LSAMP: variants seen among roughly 807,000 people sequenced by gnomAD.
The protein encoded by LSAMP is limbic system-associated membrane protein.
LSAMP carries 7 observed loss-of-function variants against 38.6 expected under a neutral mutation model. That is an observed-to-expected ratio of 0.18 (90% CI 0.10 to 0.34). The LOEUF (loss-of-function observed/expected upper bound fraction) is 0.34, where lower values mean the gene tolerates loss of function less well. Among genes scored for constraint, LSAMP ranks in the 10% least tolerant of loss-of-function variants. The pLI is 1.00. For synonymous variants in LSAMP, 154 were observed against 166.8 expected (o/e 0.92, Z 0.59); for missense variants, 313 against 420.0 (o/e 0.75, Z 2.23).
At chr3:115,993,891 T>C (rs781280595) in intron 3 of LSAMP, among the ~76,000 whole-genome samples, 2 of 152,236 alleles carry the variant, frequency 1.3e-5, no homozygotes, top group South Asian at 2.1e-4. Flanking sequence ...CTGTAGAGAA[T>C]GGTGCTGTTG....
intron 6 of LSAMP, among the ~76,000 whole-genome samples, chr3:115,841,258 C>T (rs1406903672): frequency 6.6e-6 from 1 of 151,924 alleles, no homozygotes; most frequent in Non-Finnish European, 1.5e-5. Flanking sequence ...AAAAATATAT[C>T]AGAAAAGTAA....
intron 1 of LSAMP, among the ~76,000 whole-genome samples, chr3:116,438,701 A>G (rs2049388935): frequency 6.6e-6 from 1 of 152,218 alleles, no homozygotes; most frequent in Non-Finnish European, 1.5e-5. Context: ...AGAAGCAACA[A>G]CAAAAACAAC....
At chr3:116,136,873 A>T (rs1709261214) in intron 1 of LSAMP, among the ~76,000 whole-genome samples, 2 of 152,216 alleles carry the variant, frequency 1.3e-5, no homozygotes, top group Admixed American at 1.3e-4. Context: ...CAATGAGTTT[A>T]TTTAGCTCAT....
rs1036383203 is a variant in LSAMP, at chr3:116,205,090, T to A, written c.156-118534A>T. 6.4e-4 allele frequency among the ~76,000 whole-genome samples: 92 copies of A among 144,532 alleles called. 1 individual carries two copies. Among genetic ancestry groups the A allele is most frequent in the African/African-American group, 2.3e-3 (90 of 39,524 alleles). 94.8% of individuals were successfully genotyped at this position (144,532 alleles called of 152,430 possible). A position where few individuals can be genotyped will look rare whatever the true frequency, so the allele number is the denominator to read the frequency against. On this transcript the variant is annotated intron_variant, in intron 1 of 6. Transcript: ENST00000490035. ...TCTTTTATTTCGTTGAGCAGTGGTT[T>A]GTAGTTCTCCTTGAAGAGGTCCTTC...
In LSAMP at chr3:116,445,129, G is replaced by A. The variant is rs2049493734; in HGVS notation, c.-98C>T. 5.5e-6 allele frequency: 7 copies of A among 1,264,542 alleles called. No homozygotes were observed. The highest frequency in any genetic ancestry group is 2.3e-5 in the Admixed American group (1 of 42,862). 78.3% of individuals were successfully genotyped at this position (1,264,542 alleles called of 1,614,324 possible). A position where few individuals can be genotyped will look rare whatever the true frequency, so the allele number is the denominator to read the frequency against. Reference sequence around the variant, plus strand: ...CCAACACGGGGCTTTCATCCACAGCGAGCGCAGAGCGGGCTTTGCCAGTTT... The same window carrying A: ...CCAACACGGGGCTTTCATCCACAGCAAGCGCAGAGCGGGCTTTGCCAGTTT... On this transcript the variant is annotated 5_prime_UTR_variant, in exon 1 of 7. Transcript: ENST00000490035.
chr3:116,260,694 C>A (rs140486376), intron 1 of LSAMP, among the ~76,000 whole-genome samples: 66 of 152,270 alleles, frequency 4.3e-4, no homozygotes, highest in Non-Finnish European at 8.1e-4. Context: ...AGCATAACTT[C>A]CAGGTTTCTA....
At chr3:115,821,764 G>C (rs1045574670) in intron 6 of LSAMP, among the ~76,000 whole-genome samples, 1 of 152,178 alleles carries the variant, frequency 6.6e-6, no homozygotes, top group Non-Finnish European at 1.5e-5. Context: ...GAAAGGGGCA[G>C]GGTTAAAATT....
chr3:115,834,642 A>T, intron 6 of LSAMP: 1 of 976,488 alleles, frequency 1.0e-6, no homozygotes, highest in Non-Finnish European at 1.3e-6. Flanking sequence ...TTTAAATATT[A>T]TATATATGTA....
intron 1 of LSAMP, among the ~76,000 whole-genome samples, chr3:116,092,966 C>T (rs552681531): frequency 1.3e-5 from 2 of 152,136 alleles, no homozygotes; most frequent in Non-Finnish European, 2.9e-5. Context: ...CAGACTTAGC[C>T]TTGCATAAAT....
At chr3:116,204,081 A>T (rs1204479585) in intron 1 of LSAMP, among the ~76,000 whole-genome samples, 1 of 151,930 alleles carries the variant, frequency 6.6e-6, no homozygotes, top group Non-Finnish European at 1.5e-5. Flanking sequence ...TGACTTTTTA[A>T]TGATTGCCAT....
chr3:116,318,390 G>A (rs943744686), intron 1 of LSAMP, among the ~76,000 whole-genome samples: 18 of 152,098 alleles, frequency 1.2e-4, no homozygotes, highest in Non-Finnish European at 2.4e-4. Flanking sequence ...GAAAAGGGTT[G>A]GGCACAACCA....
intron 1 of LSAMP, among the ~76,000 whole-genome samples, chr3:116,178,119 G>GTGTA (rs768027077): frequency 6.6e-6 from 1 of 150,812 alleles, no homozygotes; most frequent in African/African-American, 2.5e-5. Flanking sequence ...GTGTGTGTGT[G>GTGTA]TACATGTGTG....
intron 1 of LSAMP, among the ~76,000 whole-genome samples, chr3:116,093,445 A>G (rs1708165702): frequency 6.6e-6 from 1 of 152,216 alleles, no homozygotes; most frequent in Admixed American, 6.5e-5. Context: ...GTGTGTTTTC[A>G]TAGGCTTATG....
At chr3:116,265,378 T>C (rs1281615709) in intron 1 of LSAMP, among the ~76,000 whole-genome samples, 1 of 152,214 alleles carries the variant, frequency 6.6e-6, no homozygotes, top group African/African-American at 2.4e-5. Context: ...TGGTGTGTTC[T>C]ATCATAGCAG....
intron 1 of LSAMP, among the ~76,000 whole-genome samples, chr3:116,372,650 T>C (rs1334324481): frequency 2.0e-5 from 3 of 151,874 alleles, no homozygotes; most frequent in African/African-American, 7.2e-5. Flanking sequence ...AGAAAATATT[T>C]GCAAATACTA....
chr3:116,288,477 T>C (rs2047220556), intron 1 of LSAMP, among the ~76,000 whole-genome samples: 2 of 152,246 alleles, frequency 1.3e-5, no homozygotes, highest in South Asian at 4.1e-4. Context: ...TGGTTACTTT[T>C]ACATTGTTGA....
chr3:116,044,323 AC>A (rs1398142602), intron 2 of LSAMP, among the ~76,000 whole-genome samples: 1 of 152,112 alleles, frequency 6.6e-6, no homozygotes, highest in Non-Finnish European at 1.5e-5. Flanking sequence ...TAACAACCCT[AC>A]CTTTCTTTTT....
chr3:115,855,634 G>A (rs1003953306), intron 3 of LSAMP, among the ~76,000 whole-genome samples: 2 of 152,148 alleles, frequency 1.3e-5, no homozygotes, highest in East Asian at 1.9e-4. Context: ...AAACTACACC[G>A]TATTCCATCA....
chr3:115,834,427 G>C (rs927121902), intron 6 of LSAMP: 1 of 665,506 alleles, frequency 1.5e-6, no homozygotes, highest in African/African-American at 1.9e-5. Context: ...TTTTAAAAAA[G>C]GTTTAAGGGA....
Sources: gnomAD v4.1 joint callset for allele counts (sites outside exome capture counted in the v4.1 genomes callset) on GRCh38, gnomAD v4.1.1 for gene constraint, MANE v1.5 for transcripts, NCBI Gene and HGNC (gene_info 2026-07-23, HGNC 2026-07-21) for gene names.